Variants in AAK1 observed in about 807,000 individuals in gnomAD.
AAK1 encodes the protein AP2 associated kinase 1.
In AAK1, 37 loss-of-function variants were observed where a neutral mutation model predicts 116.0. The ratio of observed to expected loss-of-function variants is 0.32; its 90% CI spans 0.25 to 0.42. AAK1 has a LOEUF of 0.42. AAK1 is among the 10% of genes least tolerant of loss of function. AAK1 has a pLI of 1.00. For synonymous variants in AAK1, 458 were observed against 439.9 expected (o/e 1.04, Z -0.51); for missense variants, 919 against 1,170.6 (o/e 0.79, Z 3.14).
intron 2 of AAK1, among the ~76,000 whole-genome samples, chr2:69,558,150 C>T (rs1321633333): frequency 6.6e-6 from 1 of 152,040 alleles, no homozygotes; most frequent in Non-Finnish European, 1.5e-5. Flanking sequence ...CAGGACCACC[C>T]TTGGCAACAT....
intron 17 of AAK1, among the ~76,000 whole-genome samples, chr2:69,490,168 G>A (rs1193578875): frequency 2.0e-5 from 3 of 152,218 alleles, no homozygotes; most frequent in Non-Finnish European, 4.4e-5. Flanking sequence ...CAGTACTGCA[G>A]ACTTGTTATA....
chr2:69,516,945 G>C (rs1676607202), intron 12 of AAK1: 1 of 152,200 alleles, frequency 6.6e-6, no homozygotes, highest in Admixed American at 6.5e-5. Flanking sequence ...GCGCAGATTA[G>C]AAACGGAGCA....
In AAK1 at chr2:69,470,691, G is replaced by C; in HGVS notation, c.*5178C>G. ...ACAACCCTGAGTCTGGTCATATCCA[G>C]TGTAGGCTGGCAGGCGTCTTATTCT... On this transcript the variant is annotated 3_prime_UTR_variant, in exon 22 of 22. Transcript: ENST00000409085. 2 of 985,470 alleles carry C rather than the reference G, an allele frequency of 2.0e-6. No individual in the cohort carries two copies. The highest frequency in any genetic ancestry group is 2.4e-6 in the Non-Finnish European group (2 of 829,940). The allele number at this position is 985,470 out of a possible 1,614,324, so 61.0% of individuals were successfully genotyped here.
At chr2:69,546,739 G>A (rs1237160911) in intron 3 of AAK1, among the ~76,000 whole-genome samples, 1 of 152,086 alleles carries the variant, frequency 6.6e-6, no homozygotes, top group Non-Finnish European at 1.5e-5. Flanking sequence ...TTAAGAGGTG[G>A]GGCCTTTAGG....
intron 3 of AAK1, among the ~76,000 whole-genome samples, chr2:69,552,970 T>A (rs907695247): frequency 6.6e-6 from 1 of 151,684 alleles, no homozygotes; most frequent in Non-Finnish European, 1.5e-5. Flanking sequence ...GGTGAGGAAA[T>A]CTGGAATGTG....
At chr2:69,629,164 T>G (rs1255377423) in intron 2 of AAK1, among the ~76,000 whole-genome samples, 1 of 152,224 alleles carries the variant, frequency 6.6e-6, no homozygotes, top group Non-Finnish European at 1.5e-5. Context: ...AGCCAATCTA[T>G]GCATTTTCAA....
rs759829251 is a variant in AAK1, at chr2:69,518,991, C to T, written c.1460G>A (p.Gly487Asp). 5 of 1,549,704 alleles carry T rather than the reference C, an allele frequency of 3.2e-6. No homozygotes were observed. Among genetic ancestry groups the T allele is most frequent in the Non-Finnish European group, 4.4e-6 (5 of 1,146,684 alleles). ...GGCCTGCTGCTGCTGGTAAAACGTG[C>T]CTGCCGGCTGCTGCTGTGCTGGCGG... ...QPPPAQQQPA[G>D]TFYQQQQAQT... The change falls in exon 12 of 22, where the codon GGC becomes GAC. Residue 487 changes from glycine (G) to aspartate (D), a missense_variant. Transcript: ENST00000409085.
intron 8 of AAK1, among the ~76,000 whole-genome samples, chr2:69,529,715 C>A (rs1000582065): frequency 6.6e-6 from 1 of 152,058 alleles, no homozygotes; most frequent in African/African-American, 2.4e-5. Flanking sequence ...CCTTTGGTAC[C>A]GGAGCTTTCA....
intron 5 of AAK1, among the ~76,000 whole-genome samples, chr2:69,535,502 A>G (rs1444639814): frequency 6.6e-6 from 1 of 152,168 alleles, no homozygotes; most frequent in Non-Finnish European, 1.5e-5. Context: ...GAAGAAAATA[A>G]TTATACTTGC....
intron 2 of AAK1, among the ~76,000 whole-genome samples, chr2:69,570,998 C>G (rs1028223763): frequency 6.6e-6 from 1 of 151,922 alleles, no homozygotes; most frequent in Non-Finnish European, 1.5e-5. Flanking sequence ...TTTCACCCAA[C>G]AGAATGCCCA....
intron 2 of AAK1, among the ~76,000 whole-genome samples, chr2:69,615,591 T>C (rs1415324295): frequency 6.6e-6 from 1 of 152,250 alleles, no homozygotes; most frequent in Admixed American, 6.5e-5. Context: ...CTTCCTTCCC[T>C]GTTTCTTTTT....
At chr2:69,530,204 A>G in intron 7 of AAK1, 64 bp from the exon 8 acceptor site, 1 of 1,494,478 alleles carries the variant, frequency 6.7e-7, no homozygotes, top group South Asian at 1.3e-5. Flanking sequence ...AATGGATCTA[A>G]TGAGAAACTG....
At position 69,470,482 on chromosome 2, in the gene AAK1, G is replaced by A; in HGVS notation, c.*5387C>T. 2 of 985,450 alleles carry A rather than the reference G, an allele frequency of 2.0e-6. No individual in the cohort carries two copies. Among genetic ancestry groups the A allele is most frequent in the Non-Finnish European group, 2.4e-6 (2 of 829,928 alleles). The allele number at this position is 985,450 out of a possible 1,614,324, so 61.0% of individuals were successfully genotyped here. ...GCATTAAAACCCACGACTGGGAAAT[G>A]AGGGACCTCATGGAAGCCAAAAATG... On this transcript the variant is annotated 3_prime_UTR_variant, in exon 22 of 22. Coordinates refer to ENST00000409085, the MANE Select transcript of AAK1 (RefSeq NM_014911.5).
At chr2:69,587,798 G>GTTTTTT (rs1672855118) in intron 2 of AAK1, among the ~76,000 whole-genome samples, 1 of 151,966 alleles carries the variant, frequency 6.6e-6, no homozygotes, top group East Asian at 1.9e-4. Flanking sequence ...TTTTTGTAGA[G>GTTTTTT]ACAGAGTTTT....
chr2:69,470,818 T>C lies in AAK1; in HGVS notation c.*5051A>G, dbSNP rs772159622. ...TTTTCTTGTGCCCAGGTACTTATTG[T>C]CACTCAATACTGTGATTAAATCCTT... On this transcript the variant is annotated 3_prime_UTR_variant, in exon 22 of 22. Transcript: ENST00000409085. 7 of 985,758 alleles carry C rather than the reference T, an allele frequency of 7.1e-6. No homozygotes were observed. The highest frequency in any genetic ancestry group is 6.0e-6 in the Non-Finnish European group (5 of 829,940). The allele number at this position is 985,758 out of a possible 1,614,324, so 61.1% of individuals were successfully genotyped here. A position where few individuals can be genotyped will look rare whatever the true frequency, so the allele number is the denominator to read the frequency against.
At chr2:69,611,434 T>A (rs1674076582) in intron 2 of AAK1, among the ~76,000 whole-genome samples, 1 of 152,204 alleles carries the variant, frequency 6.6e-6, no homozygotes, top group African/African-American at 2.4e-5. Flanking sequence ...ACATTGAGAC[T>A]TCCTTGGTAA....
intron 2 of AAK1, 132 bp from the exon 3 acceptor site, chr2:69,557,110 G>C (rs892201792): frequency 1.9e-5 from 13 of 669,684 alleles, no homozygotes; most frequent in African/African-American, 1.1e-4. Context: ...TTTAGGGCTA[G>C]CCTGTTGTAG....
chr2:69,499,048 C>T (rs13029636), intron 16 of AAK1, among the ~76,000 whole-genome samples: 10 of 152,186 alleles, frequency 6.6e-5, no homozygotes, highest in African/African-American at 9.7e-5. Context: ...ACCCAGTGGC[C>T]GGTCAGCCCC....
intron 2 of AAK1, among the ~76,000 whole-genome samples, chr2:69,561,019 G>A (rs920335909): frequency 6.6e-6 from 1 of 152,190 alleles, no homozygotes. Context: ...TGTCGGATCT[G>A]CTAATTTCTA....
Sources: gnomAD v4.1 joint callset for allele counts (sites outside exome capture counted in the v4.1 genomes callset) on GRCh38, gnomAD v4.1.1 for gene constraint, MANE v1.5 for transcripts, NCBI Gene and HGNC (gene_info 2026-07-23, HGNC 2026-07-21) for gene names.